Variants in NPSR1 observed in about 807,000 individuals in gnomAD.
The protein encoded by NPSR1 is neuropeptide S receptor 1, also known as neuropeptide S receptor.
In NPSR1, 48 loss-of-function variants were observed where a neutral mutation model predicts 46.9. The observed-to-expected ratio is 1.02, with a 90% CI of 0.81 to 1.30. NPSR1 has a LOEUF of 1.30. Ranked by LOEUF, NPSR1 falls within the 50% of genes most tolerant of loss-of-function variation. The probability of loss-of-function intolerance (pLI) is 0.00; values close to 1 mark genes in which losing one functional copy is unlikely to be tolerated. For missense variants in NPSR1, 450 were observed against 449.5 expected (o/e 1.00, Z -0.01); for synonymous variants, 176 against 168.1 (o/e 1.05, Z -0.36).
At chr7:34,757,371 G>A (rs1785918761) in intron 2 of NPSR1, among the ~76,000 whole-genome samples, 1 of 152,072 alleles carries the variant, frequency 6.6e-6, no homozygotes, top group Admixed American at 6.5e-5. Flanking sequence ...TTTGGCTCAG[G>A]TACACTTATT....
chr7:34,786,057 T>C (rs528532033), intron 3 of NPSR1, among the ~76,000 whole-genome samples: 88 of 152,174 alleles, frequency 5.8e-4, no homozygotes, highest in Non-Finnish European at 1.0e-3. Flanking sequence ...GTTGCATCAA[T>C]TGACTTTTCC....
chr7:34,764,678 A>AAATGACTG (rs140114682), intron 2 of NPSR1, among the ~76,000 whole-genome samples: 1,559 of 152,328 alleles, frequency 0.01, 27 homozygotes, highest in African/African-American at 0.036. Flanking sequence ...AAAGGCAGAT[A>AAATGACTG]AATGACTGAG....
intron 2 of NPSR1, among the ~76,000 whole-genome samples, chr7:34,749,558 A>G (rs1241962204): frequency 2.0e-5 from 3 of 152,210 alleles, no homozygotes; most frequent in Non-Finnish European, 4.4e-5. Flanking sequence ...CAAACAATGG[A>G]TTCAGATAAT....
intron 2 of NPSR1, among the ~76,000 whole-genome samples, chr7:34,695,983 TAA>T (rs1793498749): frequency 6.8e-6 from 1 of 146,172 alleles, no homozygotes; most frequent in Non-Finnish European, 1.5e-5. Context: ...AATCACTATA[TAA>T]AAAAGACATT....
intron 3 of NPSR1, among the ~76,000 whole-genome samples, chr7:34,782,255 T>C (rs1159471413): frequency 4.6e-5 from 7 of 152,106 alleles, no homozygotes; most frequent in African/African-American, 1.7e-4. Flanking sequence ...GCATCAGACC[T>C]CAGTTTCATG....
chr7:34,792,294 G>C (rs1369983337), intron 3 of NPSR1, among the ~76,000 whole-genome samples: 1 of 151,812 alleles, frequency 6.6e-6, no homozygotes, highest in East Asian at 1.9e-4. Flanking sequence ...TGGAAAGGGA[G>C]TAAATATTTA....
chr7:34,745,407 AT>A (rs1180515505), intron 2 of NPSR1, among the ~76,000 whole-genome samples: 1 of 152,048 alleles, frequency 6.6e-6, no homozygotes, highest in Admixed American at 6.6e-5. Flanking sequence ...TATTACAATT[AT>A]TTTTTCATTT....
At chr7:34,752,965 T>G (rs1177230568) in intron 2 of NPSR1, among the ~76,000 whole-genome samples, 1 of 152,240 alleles carries the variant, frequency 6.6e-6, no homozygotes, top group Non-Finnish European at 1.5e-5. Flanking sequence ...CACTGTATTT[T>G]AATTATTTCC....
intron 8 of NPSR1, among the ~76,000 whole-genome samples, chr7:34,862,489 T>G (rs982150979): frequency 6.6e-6 from 1 of 151,734 alleles, no homozygotes; most frequent in Non-Finnish European, 1.5e-5. Context: ...CTTTCATTCC[T>G]CCCATAGCCA....
At chr7:34,789,120 A>T (rs1320328423) in intron 3 of NPSR1, among the ~76,000 whole-genome samples, 1 of 152,034 alleles carries the variant, frequency 6.6e-6, no homozygotes, top group Non-Finnish European at 1.5e-5. Context: ...AAAACACATC[A>T]TAACAAAGCT....
At chr7:34,665,808 G>A (rs10278692) in intron 1 of NPSR1, among the ~76,000 whole-genome samples, 230 of 151,256 alleles carry the variant, frequency 1.5e-3, no homozygotes, top group Admixed American at 7.5e-3. Flanking sequence ...ACACACACAC[G>A]CATACACACA....
At chr7:34,862,091 C>T (rs1791202612) in intron 8 of NPSR1, among the ~76,000 whole-genome samples, 1 of 151,792 alleles carries the variant, frequency 6.6e-6, no homozygotes, top group Non-Finnish European at 1.5e-5. Context: ...CAAAGCCACC[C>T]TTTTATTCAC....
At chr7:34,823,956 G>A (rs368689642) in intron 4 of NPSR1, among the ~76,000 whole-genome samples, 19 of 152,084 alleles carry the variant, frequency 1.2e-4, no homozygotes, top group South Asian at 1.0e-3. Context: ...TACTGGGTTC[G>A]AGATAAAATT....
intron 1 of NPSR1, among the ~76,000 whole-genome samples, chr7:34,683,342 G>T (rs566050839): frequency 5.0e-4 from 76 of 151,856 alleles, no homozygotes; most frequent in Middle Eastern, 3.4e-3. Flanking sequence ...AGCTACTTGG[G>T]AGGCTGAGGC....
chr7:34,725,750 T>A (rs1395933818), intron 2 of NPSR1, among the ~76,000 whole-genome samples: 1 of 152,110 alleles, frequency 6.6e-6, no homozygotes, highest in Non-Finnish European at 1.5e-5. Flanking sequence ...AAGACAGACA[T>A]CGGATAAAGG....
intron 3 of NPSR1, among the ~76,000 whole-genome samples, chr7:34,787,440 G>C (rs1365535979): frequency 5.9e-5 from 9 of 152,078 alleles, no homozygotes. Flanking sequence ...CAGTAAGCTT[G>C]TTTCATTTTC....
intron 4 of NPSR1, among the ~76,000 whole-genome samples, chr7:34,813,039 G>A (rs34579634): frequency 1.3e-5 from 2 of 152,234 alleles, no homozygotes; most frequent in African/African-American, 4.8e-5. Flanking sequence ...ACATCTTATT[G>A]AAATATAAAA....
intron 2 of NPSR1, among the ~76,000 whole-genome samples, chr7:34,764,321 C>T (rs1224373395): frequency 6.6e-6 from 1 of 152,176 alleles, no homozygotes; most frequent in Non-Finnish European, 1.5e-5. Context: ...AAAGATCAGA[C>T]TTGAGAAGAA....
intron 3 of NPSR1, among the ~76,000 whole-genome samples, chr7:34,807,413 G>A (rs921834120): frequency 6.6e-6 from 1 of 151,896 alleles, no homozygotes; most frequent in African/African-American, 2.4e-5. Context: ...TATATATTTA[G>A]CATTATGTTA....
Sources: allele counts gnomAD v4.1 joint callset (sites outside exome capture counted in the v4.1 genomes callset), GRCh38; gene constraint gnomAD v4.1.1; transcripts MANE v1.5; gene names NCBI Gene and HGNC (gene_info 2026-07-23, HGNC 2026-07-21).